Variants in MAML3 observed in about 807,000 individuals in gnomAD.
The protein encoded by MAML3 is mastermind-like protein 3.
Under a neutral mutation model 101.9 loss-of-function variants are expected in MAML3, and 27 were observed. That is an observed-to-expected ratio of 0.27 (90% CI 0.20 to 0.37). The LOEUF (loss-of-function observed/expected upper bound fraction) is 0.37. Ranked by LOEUF, MAML3 falls within the 10% of genes least tolerant of loss-of-function variation. The pLI is 1.00. For synonymous variants in MAML3, 501 were observed against 555.9 expected (o/e 0.90, Z 1.39); for missense variants, 1,316 against 1,444.9 (o/e 0.91, Z 1.45).
intron 3 of MAML3, among the ~76,000 whole-genome samples, chr4:139,727,334 G>C (rs2110977809): frequency 6.6e-6 from 1 of 152,308 alleles, no homozygotes; most frequent in Middle Eastern, 3.4e-3. Flanking sequence ...GGCAGCAATA[G>C]AAGGGCATTA....
rs1341070056 is a variant in MAML3, at chr4:140,069,381, AAGAAGGAGG to A, written c.468+83470_468+83478del. Among the ~76,000 whole-genome samples the A allele has an allele frequency of 6.8e-3, 678 of 99,532 alleles. 13 individuals carry two copies. The highest frequency in any genetic ancestry group is 0.011 in the Non-Finnish European group (501 of 47,096). 65.3% of individuals were successfully genotyped at this position (99,532 alleles called of 152,430 possible). On this transcript the variant is annotated intron_variant, in intron 1 of 4. Transcript: ENST00000509479. ...GAAGGAGAAGAAGAAGAAGAAGAAG[AAGAAGGAGG>A]AGGAGGAGGAGGAGGAGGAGGAGGA... is the stretch of plus-strand genomic sequence containing the variant.
chr4:139,913,437 G>C (rs578021702), intron 1 of MAML3, among the ~76,000 whole-genome samples: 382 of 151,954 alleles, frequency 2.5e-3, no homozygotes, highest in African/African-American at 8.9e-3. Flanking sequence ...TTCTGACTTT[G>C]GTCTTTGTCC....
intron 1 of MAML3, among the ~76,000 whole-genome samples, chr4:140,025,847 G>A (rs996118228): frequency 7.9e-5 from 12 of 152,172 alleles, no homozygotes; most frequent in African/African-American, 2.9e-4. Context: ...GTGTTTTGGC[G>A]TTTAAAAACC....
intron 2 of MAML3, among the ~76,000 whole-genome samples, chr4:139,831,587 A>G (rs894214271): frequency 6.6e-6 from 1 of 152,192 alleles, no homozygotes; most frequent in East Asian, 1.9e-4. Context: ...GCTGAGAACC[A>G]GAAGAGTATT....
intron 1 of MAML3, among the ~76,000 whole-genome samples, chr4:139,925,241 T>TTGTC (rs1733198356): frequency 6.6e-6 from 1 of 152,088 alleles, no homozygotes; most frequent in African/African-American, 2.4e-5. Flanking sequence ...GTTTGTTTGT[T>TTGTC]TGTTTTGAGA....
At chr4:139,948,917 G>A (rs1202738341) in intron 1 of MAML3, among the ~76,000 whole-genome samples, 1 of 152,202 alleles carries the variant, frequency 6.6e-6, no homozygotes, top group African/African-American at 2.4e-5. Context: ...GTGAACACAG[G>A]CAGTCTCACT....
At chr4:139,745,872 G>C (rs996392101) in intron 2 of MAML3, among the ~76,000 whole-genome samples, 33 of 152,332 alleles carry the variant, frequency 2.2e-4, no homozygotes, top group Admixed American at 1.8e-3. Flanking sequence ...GGGGATGGAG[G>C]AAAGATGGCA....
At chr4:139,777,562 TGTC>T (rs777631495) in intron 2 of MAML3, among the ~76,000 whole-genome samples, 103 of 152,360 alleles carry the variant, frequency 6.8e-4, no homozygotes, top group Non-Finnish European at 1.1e-3. Context: ...GGTTTCTCTC[TGTC>T]GCCCAGGCTG....
chr4:139,920,677 C>T (rs562544959), intron 1 of MAML3, among the ~76,000 whole-genome samples: 39 of 152,314 alleles, frequency 2.6e-4, no homozygotes, highest in South Asian at 2.1e-4. Context: ...CCAGGGCAGA[C>T]GGAGACATCT....
intron 1 of MAML3, among the ~76,000 whole-genome samples, chr4:139,950,301 A>G (rs1733810955): frequency 6.6e-6 from 1 of 152,150 alleles, no homozygotes; most frequent in Non-Finnish European, 1.5e-5. Flanking sequence ...TGGTCTCCCA[A>G]AGTGCTGGGA....
intron 2 of MAML3, among the ~76,000 whole-genome samples, chr4:139,830,230 A>G (rs1731136573): frequency 6.6e-6 from 1 of 151,880 alleles, no homozygotes; most frequent in African/African-American, 2.4e-5. Flanking sequence ...TGCTCTTGGC[A>G]AGAGGTTAAG....
intron 2 of MAML3, among the ~76,000 whole-genome samples, chr4:139,748,236 G>A (rs1204946262): frequency 6.6e-6 from 1 of 152,018 alleles, no homozygotes; most frequent in Non-Finnish European, 1.5e-5. Context: ...GATGGGAATT[G>A]AGGTTTGGGG....
intron 1 of MAML3, among the ~76,000 whole-genome samples, chr4:140,048,525 C>A (rs1309084080): frequency 6.6e-6 from 1 of 152,156 alleles, no homozygotes; most frequent in African/African-American, 2.4e-5. Flanking sequence ...CCATGGAAAA[C>A]TTAACTGGAA....
intron 1 of MAML3, among the ~76,000 whole-genome samples, chr4:139,899,759 G>C (rs1198851019): frequency 5.9e-5 from 9 of 152,162 alleles, no homozygotes; most frequent in African/African-American, 2.2e-4. Flanking sequence ...TACTCTCTAT[G>C]AGTAAATGAA....
At chr4:139,983,243 G>C (rs1339307139) in intron 1 of MAML3, among the ~76,000 whole-genome samples, 1 of 152,156 alleles carries the variant, frequency 6.6e-6, no homozygotes, top group Non-Finnish European at 1.5e-5. Context: ...AAACATCCCT[G>C]TGCTTCGCCT....
chr4:139,909,836 CA>C (rs11379402), intron 1 of MAML3, among the ~76,000 whole-genome samples: 101 of 58,722 alleles, frequency 1.7e-3, no homozygotes, highest in African/African-American at 5.8e-3. Context: ...GATGCCGTCT[CA>C]AAAAAAAAAA....
chr4:140,151,590 T>C (rs530347635), intron 1 of MAML3, among the ~76,000 whole-genome samples: 1 of 151,578 alleles, frequency 6.6e-6, no homozygotes, highest in Non-Finnish European at 1.5e-5. Flanking sequence ...GCGCCGCCGA[T>C]CGCTGGGCGG....
chr4:139,872,922 A>G (rs938975924), intron 2 of MAML3, among the ~76,000 whole-genome samples: 1 of 152,000 alleles, frequency 6.6e-6, no homozygotes, highest in Admixed American at 6.6e-5. Context: ...TACTAAAAAT[A>G]TTAAAAAAAT....
chr4:139,974,121 T>C (rs1164147287), intron 1 of MAML3, among the ~76,000 whole-genome samples: 1 of 133,884 alleles, frequency 7.5e-6, no homozygotes, highest in African/African-American at 2.7e-5. Context: ...TTTTTTTTTT[T>C]TTGAGACAGA....
Sources: gnomAD v4.1 joint callset for allele counts (sites outside exome capture counted in the v4.1 genomes callset) on GRCh38, gnomAD v4.1.1 for gene constraint, MANE v1.5 for transcripts, NCBI Gene and HGNC (gene_info 2026-07-23, HGNC 2026-07-21) for gene names.